CEP41: variants seen among roughly 807,000 people sequenced by gnomAD.
CEP41 encodes the protein centrosomal protein 41, also known as centrosomal protein of 41 kDa.
Under a neutral mutation model 44.3 loss-of-function variants are expected in CEP41, and 32 were observed. That is an observed-to-expected ratio of 0.72 (90% CI 0.54 to 0.97). The LOEUF (loss-of-function observed/expected upper bound fraction) is 0.97, where lower values mean the gene tolerates loss of function less well. Ranked by LOEUF, CEP41 falls within the 50% of genes least tolerant of loss-of-function variation. The pLI is 0.00. For missense variants in CEP41, 432 were observed against 455.2 expected, an observed-to-expected ratio of 0.95 and a Z score of 0.46; for synonymous variants, 151 against 168.5, an observed-to-expected ratio of 0.90 and a Z score of 0.80.
In CEP41 at chr7:130,396,997, A is replaced by G. The variant is rs1796681791; in HGVS notation, c.*1894T>C. 2.2e-6 allele frequency: 1 copy of G among 454,376 alleles called. No individual in the cohort carries two copies. The highest frequency in any genetic ancestry group is 2.3e-5 in the Admixed American group (1 of 42,554). The allele number at this position is 454,376 out of a possible 1,614,324, so 28.1% of individuals were successfully genotyped here. A position where few individuals can be genotyped will look rare whatever the true frequency, so the allele number is the denominator to read the frequency against. On this transcript the variant is annotated 3_prime_UTR_variant, in exon 11 of 11. Coordinates refer to ENST00000223208, the MANE Select transcript of CEP41 (RefSeq NM_018718.3). Reference sequence around the variant, plus strand: ...TCAACTCCTGACAAGTCACCTTTAAAACAGCATAACCAGAACTTTCTTACA... The same window carrying G: ...TCAACTCCTGACAAGTCACCTTTAAGACAGCATAACCAGAACTTTCTTACA...
At chr7:130,417,017 G>A in intron 2 of CEP41, 51 bp from the exon 3 acceptor site, 1 of 1,409,508 alleles carries the variant, frequency 7.1e-7, no homozygotes, top group South Asian at 1.2e-5. Flanking sequence ...AAGCAAATGA[G>A]TAACACTGTG....
Position 130,397,521 on chromosome 7 carries a change from T to C in CEP41, c.*1370A>G, listed in dbSNP as rs1796702512. 1 of 397,900 alleles carries C rather than the reference T, an allele frequency of 2.5e-6. No homozygotes were observed. The highest frequency in any genetic ancestry group is 3.3e-5 in the Admixed American group (1 of 30,468). 24.6% of individuals were successfully genotyped at this position (397,900 alleles called of 1,614,324 possible). On this transcript the variant is annotated 3_prime_UTR_variant, in exon 11 of 11. Transcript: ENST00000223208. ...ACTGTGGTGCATTTTTTTTTTTTTTTTTTTTTTTTTTTGGTGGCGAGAAAA... is the reference window on the plus strand; with the variant it reads ...ACTGTGGTGCATTTTTTTTTTTTTTCTTTTTTTTTTTTGGTGGCGAGAAAA...
rs1796610527 is a variant in CEP41, at chr7:130,394,679, C to T, written c.*4212G>A. ...AGAAGATAACGAGCTTTCTGGGTCT[C>T]CAGAATGACAGACTAGCACTGAGTG... is the stretch of plus-strand genomic sequence containing the variant. On this transcript the variant is annotated 3_prime_UTR_variant, in exon 11 of 11. Coordinates refer to ENST00000223208, the MANE Select transcript of CEP41 (RefSeq NM_018718.3). The T allele has an allele frequency of 2.2e-6, 1 of 453,912 alleles. No individual in the cohort carries two copies. The highest frequency in any genetic ancestry group is 2.4e-5 in the Admixed American group (1 of 42,542). 28.1% of individuals were successfully genotyped at this position (453,912 alleles called of 1,614,324 possible).
intron 3 of CEP41, among the ~76,000 whole-genome samples, chr7:130,414,676 C>T (rs1321351356): frequency 2.0e-5 from 3 of 152,186 alleles, no homozygotes; most frequent in African/African-American, 7.2e-5. Flanking sequence ...CTGAACTCCA[C>T]GTACCTGGTT....
chr7:130,419,235 T>C, intron 2 of CEP41: 2 of 985,370 alleles, frequency 2.0e-6, no homozygotes. Context: ...TGATGAGTTC[T>C]TTTCACTATA....
At chr7:130,437,607 T>TA (rs1444128270) in intron 1 of CEP41, among the ~76,000 whole-genome samples, 9 of 150,586 alleles carry the variant, frequency 6.0e-5, no homozygotes, top group Non-Finnish European at 1.2e-4. Flanking sequence ...CCCATCTCTA[T>TA]AAAAAATACA....
intron 3 of CEP41, among the ~76,000 whole-genome samples, chr7:130,412,678 T>A (rs1240195188): frequency 6.6e-6 from 1 of 152,180 alleles, no homozygotes. Flanking sequence ...CTCAAACAGC[T>A]GGTGAGACGT....
chr7:130,440,518 G>C, intron 1 of CEP41: 1 of 365,274 alleles, frequency 2.7e-6, no homozygotes, highest in South Asian at 2.6e-5. Context: ...GTTTTCCAAA[G>C]GTTTGGTCAG....
Position 130,411,179 on chromosome 7 carries a change from C to A in CEP41, c.220G>T (p.Ala74Ser). 6.2e-7 allele frequency: 1 copy of A among 1,613,536 alleles called. No individual in the cohort carries two copies. Among genetic ancestry groups the A allele is most frequent in the Non-Finnish European group, 8.5e-7 (1 of 1,179,470 alleles). ...TTFAQLIIQVASLSDQTLEVT... is the reference protein window; with the variant it reads ...TTFAQLIIQVSSLSDQTLEVT... ...TCCAGTGTTTGATCAGAGAGGGAAG[C>A]AACTTGGATGATCTGATAGAAAAAA... Residue 74 changes from alanine (A) to serine (S), a missense_variant, in exon 5 of 11, where the codon GCT becomes TCT. Transcript: ENST00000223208.
Position 130,412,171 on chromosome 7 carries a change from A to C in CEP41, c.207+8T>G. ...ACTTTACTCCAGTGGAAAAATCAAGAAACTTACCAGCTGGGCAAAAGTTGT... is the reference window on the plus strand; with the variant it reads ...ACTTTACTCCAGTGGAAAAATCAAGCAACTTACCAGCTGGGCAAAAGTTGT... On this transcript the variant is annotated splice_region_variant and intron_variant, in intron 4 of 10. Coordinates refer to ENST00000223208, the MANE Select transcript of CEP41 (RefSeq NM_018718.3). 1.3e-6 allele frequency: 2 copies of C among 1,502,102 alleles called. No individual in the cohort carries two copies. Among genetic ancestry groups the C allele is most frequent in the Non-Finnish European group, 1.9e-6 (2 of 1,077,978 alleles). The allele number at this position is 1,502,102 out of a possible 1,614,324, so 93.0% of individuals were successfully genotyped here.
In CEP41 at chr7:130,404,603, T is replaced by C. The variant is rs782436531; in HGVS notation, c.383A>G (p.Asn128Ser). The C allele has an allele frequency of 6.2e-7, 1 of 1,613,872 alleles. No homozygotes were observed. Among genetic ancestry groups the C allele is most frequent in the South Asian group, 1.1e-5 (1 of 91,080 alleles). ...QSPSPEQFIN[N>S]AGAGDSSRST... ...GCGGCTGGAGTCCCCTGCTCCTGCG[T>C]TGTTTATGAACTGCTCAGGGCTCGG... The change falls in exon 6 of 11, where the codon AAC (asparagine) becomes AGC (serine). Residue 128 changes from asparagine (N) to serine (S), a missense_variant. By Grantham distance (46) the Asn-to-Ser change is conservative. Coordinates refer to ENST00000223208, the MANE Select transcript of CEP41 (RefSeq NM_018718.3).
At chr7:130,438,013 A>T (rs1196335244) in intron 1 of CEP41, among the ~76,000 whole-genome samples, 1 of 152,156 alleles carries the variant, frequency 6.6e-6, no homozygotes, top group Non-Finnish European at 1.5e-5. Flanking sequence ...TGTCTCGGGC[A>T]CAAACATAAC....
At chr7:130,414,856 T>C (rs1384597356) in intron 3 of CEP41, among the ~76,000 whole-genome samples, 1 of 152,252 alleles carries the variant, frequency 6.6e-6, no homozygotes, top group Non-Finnish European at 1.5e-5. Context: ...ATGGAGCTTC[T>C]GCTATGTGTC....
Position 130,396,845 on chromosome 7 carries a change from G to T in CEP41, c.*2046C>A, listed in dbSNP as rs1220718301. The T allele has an allele frequency of 2.2e-6, 1 of 448,780 alleles. No homozygotes were observed. The highest frequency in any genetic ancestry group is 2.4e-5 in the Admixed American group (1 of 41,964). 27.8% of individuals were successfully genotyped at this position (448,780 alleles called of 1,614,324 possible). ...GTGCACACCAATTCTAACAGGTCTGGCTGACCTGGCTTTCCACATATATAC... is the reference window on the plus strand; with the variant it reads ...GTGCACACCAATTCTAACAGGTCTGTCTGACCTGGCTTTCCACATATATAC... On this transcript the variant is annotated 3_prime_UTR_variant, in exon 11 of 11. Transcript: ENST00000223208.
Position 130,397,391 on chromosome 7 carries a change from T to C in CEP41, c.*1500A>G. 2.2e-6 allele frequency: 1 copy of C among 453,300 alleles called. No individual in the cohort carries two copies. The highest frequency in any genetic ancestry group is 4.4e-6 in the Non-Finnish European group (1 of 226,104). The allele number at this position is 453,300 out of a possible 1,614,324, so 28.1% of individuals were successfully genotyped here. On this transcript the variant is annotated 3_prime_UTR_variant, in exon 11 of 11. Transcript: ENST00000223208. ...ATCAAGTAGAGAAGAATAAACACAC[T>C]CTAAAACAGAACTGGGCTGAATCTG...
chr7:130,412,732 T>C (rs1380905356), intron 3 of CEP41, among the ~76,000 whole-genome samples: 1 of 152,184 alleles, frequency 6.6e-6, no homozygotes, highest in African/African-American at 2.4e-5. Flanking sequence ...GAAAGCAATA[T>C]TATTCCTGCC....
intron 1 of CEP41, among the ~76,000 whole-genome samples, chr7:130,435,890 C>T (rs1370431920): frequency 2.0e-5 from 3 of 152,200 alleles, no homozygotes; most frequent in Non-Finnish European, 4.4e-5. Flanking sequence ...CACAGTAGCT[C>T]ACGCTTGTAA....
chr7:130,398,463 T>A lies in CEP41; in HGVS notation c.*428A>T. ...CCAAGACTGCCCGGAGAAGCCTTCA[T>A]GAAGTCAAGAACAGTGAATGAAAAG... On this transcript the variant is annotated 3_prime_UTR_variant, in exon 11 of 11. Coordinates refer to ENST00000223208, the MANE Select transcript of CEP41 (RefSeq NM_018718.3). 2.2e-6 allele frequency: 1 copy of A among 454,338 alleles called. No homozygotes were observed. Among genetic ancestry groups the A allele is most frequent in the Non-Finnish European group, 4.4e-6 (1 of 227,130 alleles). The allele number at this position is 454,338 out of a possible 1,614,324, so 28.1% of individuals were successfully genotyped here. A position where few individuals can be genotyped will look rare whatever the true frequency, so the allele number is the denominator to read the frequency against.
At chr7:130,407,800 T>C (rs1797059316) in intron 5 of CEP41, among the ~76,000 whole-genome samples, 1 of 151,962 alleles carries the variant, frequency 6.6e-6, no homozygotes, top group Admixed American at 6.6e-5. Context: ...AAGAAAACAA[T>C]AGTACAGGCT....
Sources: gnomAD v4.1 joint callset for allele counts (sites outside exome capture counted in the v4.1 genomes callset) on GRCh38, gnomAD v4.1.1 for gene constraint, MANE v1.5 for transcripts, NCBI Gene and HGNC (gene_info 2026-07-23, HGNC 2026-07-21) for gene names.